GABRA4: variants seen among roughly 807,000 people sequenced by gnomAD.
GABRA4 encodes gamma-aminobutyric acid receptor subunit alpha-4.
Under a neutral mutation model 49.7 loss-of-function variants are expected in GABRA4, and 12 were observed. The ratio of observed to expected loss-of-function variants is 0.24; its 90% CI spans 0.15 to 0.39. GABRA4 has a LOEUF of 0.39. Ranked by LOEUF, GABRA4 falls within the 10% of genes least tolerant of loss-of-function variation. The pLI, the probability that GABRA4 is intolerant of heterozygous loss-of-function variation, is 1.00. For missense variants in GABRA4, 506 were observed against 686.0 expected, an observed-to-expected ratio of 0.74 and a Z score of 2.93; for synonymous variants, 288 against 240.2, an observed-to-expected ratio of 1.20 and a Z score of -1.84.
intron 6 of GABRA4, among the ~76,000 whole-genome samples, chr4:46,973,184 A>G (rs959718699): frequency 4.6e-5 from 7 of 151,940 alleles, no homozygotes; most frequent in African/African-American, 9.6e-5. Context: ...ATTGCTGAAT[A>G]AAGTTTAACT....
Position 46,918,968 on chromosome 4 carries a change from T to C in GABRA4, c.*9257A>G, listed in dbSNP as rs1720875499. On this transcript the variant is annotated 3_prime_UTR_variant, in exon 9 of 9. Transcript: ENST00000264318. ...AAATACATTAGAGGGATATAATGTT[T>C]TATATTTTAATAATTCCAGAGTTTA... 6.6e-6 allele frequency: 1 copy of C among 151,708 alleles called. No homozygotes were observed. Among genetic ancestry groups the C allele is most frequent in the East Asian group, 1.9e-4 (1 of 5,200 alleles). The allele number at this position is 151,708 out of a possible 1,614,324, so 9.4% of individuals were successfully genotyped here. A position where few individuals can be genotyped will look rare whatever the true frequency, so the allele number is the denominator to read the frequency against.
At chr4:46,978,807 C>T (rs961779972) in intron 3 of GABRA4, among the ~76,000 whole-genome samples, 8 of 151,306 alleles carry the variant, frequency 5.3e-5, no homozygotes, top group Non-Finnish European at 1.2e-4. Context: ...AAGTTCTTCT[C>T]TTTGTTTAGA....
chr4:46,930,468 G>T (rs1410675160), intron 8 of GABRA4, among the ~76,000 whole-genome samples: 1 of 151,760 alleles, frequency 6.6e-6, no homozygotes, highest in Non-Finnish European at 1.5e-5. Flanking sequence ...AATTTAAAGA[G>T]CATATATAAT....
chr4:46,989,009 A>T (rs1156404769), intron 2 of GABRA4, among the ~76,000 whole-genome samples: 1 of 152,232 alleles, frequency 6.6e-6, no homozygotes, highest in Admixed American at 6.5e-5. Flanking sequence ...GAAGTCCACT[A>T]ATGTGAAGTC....
At chr4:46,941,424 T>C (rs898615538) in intron 8 of GABRA4, among the ~76,000 whole-genome samples, 1 of 152,116 alleles carries the variant, frequency 6.6e-6, no homozygotes, top group African/African-American at 2.4e-5. Flanking sequence ...ATAATAACAA[T>C]AACTACTACT....
intron 8 of GABRA4, among the ~76,000 whole-genome samples, chr4:46,940,576 TGGTCATAAAGCATA>T (rs1721755571): frequency 6.6e-6 from 1 of 152,058 alleles, no homozygotes; most frequent in South Asian, 2.1e-4. Flanking sequence ...AGTAGTCAAT[TGGTCATAAAGCATA>T]TGTTGAATTA....
intron 6 of GABRA4, 35 bp downstream of exon 6, chr4:46,974,197 A>G (rs1398936740): frequency 6.3e-7 from 1 of 1,580,422 alleles, no homozygotes; most frequent in African/African-American, 1.4e-5. Flanking sequence ...GCTAACACCA[A>G]GTAGCATGTC....
intron 8 of GABRA4, among the ~76,000 whole-genome samples, chr4:46,943,581 G>A (rs1254604058): frequency 1.3e-5 from 2 of 152,006 alleles, no homozygotes; most frequent in Non-Finnish European, 2.9e-5. Flanking sequence ...CATTCTACAT[G>A]ATTTGGGCCC....
At chr4:46,968,140 C>T (rs1018145563) in intron 7 of GABRA4, among the ~76,000 whole-genome samples, 1 of 151,374 alleles carries the variant, frequency 6.6e-6, no homozygotes, top group Non-Finnish European at 1.5e-5. Flanking sequence ...AAAAAATTTG[C>T]CCAGAATTAA....
At position 46,924,368 on chromosome 4, in the gene GABRA4, A is replaced by G. The variant is rs188827709; in HGVS notation, c.*3857T>C. The G allele has an allele frequency of 6.6e-6, 1 of 152,068 alleles. No homozygotes were observed. The highest frequency in any genetic ancestry group is 2.4e-5 in the African/African-American group (1 of 41,526). The allele number at this position is 152,068 out of a possible 1,614,324, so 9.4% of individuals were successfully genotyped here. On this transcript the variant is annotated 3_prime_UTR_variant, in exon 9 of 9. Transcript: ENST00000264318. ...TATATTTGTGCCTGAGATGAGTATC[A>G]CTCTAGTTTTGGCCCTGCTGTATTC...
At position 46,921,965 on chromosome 4, in the gene GABRA4, C is replaced by G. The variant is rs1484086502; in HGVS notation, c.*6260G>C. ...TATCATTATCCTGCGATGTTTCAAA[C>G]AAAGATGGTTTGTTTGAAACCTCTG... On this transcript the variant is annotated 3_prime_UTR_variant, in exon 9 of 9. Coordinates refer to ENST00000264318, the MANE Select transcript of GABRA4 (RefSeq NM_000809.4). 1 of 151,920 alleles carries G rather than the reference C, an allele frequency of 6.6e-6. No homozygotes were observed. Among genetic ancestry groups the G allele is most frequent in the Non-Finnish European group, 1.5e-5 (1 of 67,980 alleles). 9.4% of individuals were successfully genotyped at this position (151,920 alleles called of 1,614,324 possible).
At chr4:46,962,024 TG>T (rs1156680672) in intron 8 of GABRA4, among the ~76,000 whole-genome samples, 4 of 151,928 alleles carry the variant, frequency 2.6e-5, no homozygotes, top group African/African-American at 9.7e-5. Context: ...TAGCTTTTAT[TG>T]GGCTTTCCAC....
chr4:46,936,043 G>C (rs534231956), intron 8 of GABRA4, among the ~76,000 whole-genome samples: 34 of 152,244 alleles, frequency 2.2e-4, no homozygotes, highest in Non-Finnish European at 4.1e-4. Flanking sequence ...AACAACAACA[G>C]CCAAAACAAT....
At position 46,924,689 on chromosome 4, in the gene GABRA4, G is replaced by A. The variant is rs1453871860; in HGVS notation, c.*3536C>T. 6.6e-6 allele frequency: 1 copy of A among 151,980 alleles called. No homozygotes were observed. Among genetic ancestry groups the A allele is most frequent in the East Asian group, 1.9e-4 (1 of 5,176 alleles). 9.4% of individuals were successfully genotyped at this position (151,980 alleles called of 1,614,324 possible). On this transcript the variant is annotated 3_prime_UTR_variant, in exon 9 of 9. Transcript: ENST00000264318. ...TTTGAAGGTAGGGAAACCTTAGTTT[G>A]AAGCAAGCAATGAACTTAAAGTAAT...
chr4:46,976,530 C>G (rs1286563527), intron 5 of GABRA4, among the ~76,000 whole-genome samples: 1 of 151,564 alleles, frequency 6.6e-6, no homozygotes, highest in Admixed American at 6.6e-5. Context: ...CATGCTTTTG[C>G]CATGCTTCAG....
intron 2 of GABRA4, among the ~76,000 whole-genome samples, chr4:46,984,840 GA>G (rs1723478724): frequency 6.6e-6 from 1 of 151,916 alleles, no homozygotes; most frequent in African/African-American, 2.4e-5. Flanking sequence ...ACTGTAAATG[GA>G]AGTTGATTTT....
intron 8 of GABRA4, among the ~76,000 whole-genome samples, chr4:46,939,997 T>C (rs1368986848): frequency 3.3e-5 from 5 of 152,066 alleles, no homozygotes; most frequent in African/African-American, 1.2e-4. Context: ...TGATTTATTC[T>C]ACAGAAAACT....
At position 46,928,426 on chromosome 4, in the gene GABRA4, G is replaced by A. The variant is rs200588696; in HGVS notation, c.1464C>T (p.Thr488=). 5 of 1,613,624 alleles carry A rather than the reference G, an allele frequency of 3.1e-6. No individual in the cohort carries two copies. The highest frequency in any genetic ancestry group is 3.4e-6 in the Non-Finnish European group (4 of 1,179,692). ...VFGSRLQRIK[T]TVNTIGATGK... is the part of the protein sequence containing the mutation. ...CAGTAGCCCCTATGGTATTAACTGT[G>A]GTCTTTATCCTCTGCAGTCTTGATC... Residue 488 remains threonine (T), a synonymous_variant, in exon 9 of 9, where the codon ACC becomes ACT. Coordinates refer to ENST00000264318, the MANE Select transcript of GABRA4 (RefSeq NM_000809.4).
At chr4:46,980,792 A>T (rs1385533662) in intron 2 of GABRA4, among the ~76,000 whole-genome samples, 1 of 152,100 alleles carries the variant, frequency 6.6e-6, no homozygotes, top group Admixed American at 6.6e-5. Context: ...ACCCTAGAAG[A>T]TAGCAATTTC....
Sources: allele counts gnomAD v4.1 joint callset (sites outside exome capture counted in the v4.1 genomes callset), GRCh38; gene constraint gnomAD v4.1.1; transcripts MANE v1.5; gene names NCBI Gene and HGNC (gene_info 2026-07-23, HGNC 2026-07-21).